DPP10: variants seen among roughly 807,000 people sequenced by gnomAD.
DPP10 encodes dipeptidyl peptidase like 10.
In DPP10, 33 loss-of-function variants were observed where a neutral mutation model predicts 120.9. That is an observed-to-expected ratio of 0.27 (90% CI 0.21 to 0.37). The LOEUF (loss-of-function observed/expected upper bound fraction) is 0.37, where lower values mean the gene tolerates loss of function less well. Among genes scored for constraint, DPP10 ranks in the 10% least tolerant of loss-of-function variants. DPP10 has a pLI of 1.00. For synonymous variants in DPP10, 337 were observed against 326.1 expected (o/e 1.03, Z -0.36); for missense variants, 816 against 942.8 (o/e 0.87, Z 1.76).
At chr2:114,675,284 C>A (rs959909870) in intron 1 of DPP10, among the ~76,000 whole-genome samples, 1 of 151,998 alleles carries the variant, frequency 6.6e-6, no homozygotes, top group Non-Finnish European at 1.5e-5. Flanking sequence ...GACCCACTTG[C>A]ACTTGTGTCT....
chr2:114,782,805 T>C (rs1163390098), intron 1 of DPP10, among the ~76,000 whole-genome samples: 1 of 152,144 alleles, frequency 6.6e-6, no homozygotes, highest in Non-Finnish European at 1.5e-5. Flanking sequence ...CAAATTAGCT[T>C]GTTTCAGTAA....
intron 4 of DPP10, among the ~76,000 whole-genome samples, chr2:115,506,513 G>C (rs144761181): frequency 6.6e-6 from 1 of 152,080 alleles, no homozygotes; most frequent in East Asian, 1.9e-4. Flanking sequence ...AATATTACTA[G>C]CTGAGAATTC....
intron 1 of DPP10, among the ~76,000 whole-genome samples, chr2:114,455,611 G>A (rs1423367111): frequency 1.3e-5 from 2 of 151,920 alleles, no homozygotes; most frequent in African/African-American, 4.8e-5. Flanking sequence ...TTGGAGTTTG[G>A]CTGAAAAGGT....
At chr2:115,087,774 A>T (rs1421624128) in intron 1 of DPP10, among the ~76,000 whole-genome samples, 3 of 151,764 alleles carry the variant, frequency 2.0e-5, no homozygotes, top group Non-Finnish European at 4.4e-5. Flanking sequence ...GTCTGGTCTC[A>T]AACTCATGAC....
intron 1 of DPP10, among the ~76,000 whole-genome samples, chr2:114,547,914 G>T (rs1041518259): frequency 6.6e-6 from 1 of 152,114 alleles, no homozygotes; most frequent in African/African-American, 2.4e-5. Context: ...GCTGGTGATT[G>T]CATTCACCGA....
intron 1 of DPP10, among the ~76,000 whole-genome samples, chr2:115,002,753 T>C (rs1023545517): frequency 3.9e-5 from 6 of 152,060 alleles, no homozygotes; most frequent in African/African-American, 1.4e-4. Context: ...AACAGGAATA[T>C]TAAAAAATAC....
chr2:115,845,610 C>T lies in DPP10; in HGVS notation c.*3265C>T, dbSNP rs1690552810. On this transcript the variant is annotated 3_prime_UTR_variant, in exon 26 of 26. Coordinates refer to ENST00000410059, the MANE Select transcript of DPP10 (RefSeq NM_020868.6). ...TCCCTACTCCTATTCCCTATGATCA[C>T]TTTCCAAAATAAACGGCAGGTGTGC... 6.6e-6 allele frequency: 1 copy of T among 152,144 alleles called. No homozygotes were observed. The highest frequency in any genetic ancestry group is 1.5e-5 in the Non-Finnish European group (1 of 68,036). The allele number at this position is 152,144 out of a possible 1,614,324, so 9.4% of individuals were successfully genotyped here. A position where few individuals can be genotyped will look rare whatever the true frequency, so the allele number is the denominator to read the frequency against.
intron 1 of DPP10, among the ~76,000 whole-genome samples, chr2:114,953,491 CGTGT>C (rs150259274): frequency 6.6e-6 from 1 of 150,758 alleles, no homozygotes; most frequent in African/African-American, 2.4e-5. Flanking sequence ...TGTGTGTGTG[CGTGT>C]GTGTGTGTAC....
chr2:114,751,574 T>A (rs1188680360), intron 1 of DPP10, among the ~76,000 whole-genome samples: 1 of 152,190 alleles, frequency 6.6e-6, no homozygotes, highest in East Asian at 1.9e-4. Context: ...TGGAATGAGA[T>A]ACAATAAGTC....
intron 1 of DPP10, among the ~76,000 whole-genome samples, chr2:114,466,781 T>C (rs1679418026): frequency 6.6e-6 from 1 of 152,150 alleles, no homozygotes; most frequent in African/African-American, 2.4e-5. Flanking sequence ...CGATGGCTCA[T>C]GCCTGTAATC....
At chr2:114,869,857 C>A (rs1436987418) in intron 1 of DPP10, among the ~76,000 whole-genome samples, 1 of 152,192 alleles carries the variant, frequency 6.6e-6, no homozygotes, top group East Asian at 1.9e-4. Context: ...TGAACGCATG[C>A]TTTTCAGTGC....
intron 5 of DPP10, among the ~76,000 whole-genome samples, chr2:115,622,852 T>C (rs576132828): frequency 8.6e-5 from 13 of 151,266 alleles, no homozygotes; most frequent in African/African-American, 2.9e-4. Flanking sequence ...TTTTTGTTTT[T>C]TGTTTTTTGA....
At chr2:115,341,981 G>T (rs2063470472) in intron 2 of DPP10, among the ~76,000 whole-genome samples, 1 of 152,080 alleles carries the variant, frequency 6.6e-6, no homozygotes, top group Non-Finnish European at 1.5e-5. Flanking sequence ...TTACTGGATT[G>T]TATGATAATA....
chr2:115,121,797 G>A (rs914389611), intron 1 of DPP10, among the ~76,000 whole-genome samples: 2 of 152,098 alleles, frequency 1.3e-5, no homozygotes, highest in African/African-American at 2.4e-5. Flanking sequence ...TCCTTATTCT[G>A]CTCTAGGTTT....
intron 1 of DPP10, among the ~76,000 whole-genome samples, chr2:115,206,691 C>T (rs1268705137): frequency 1.3e-5 from 2 of 152,076 alleles, no homozygotes; most frequent in Non-Finnish European, 2.9e-5. Flanking sequence ...GGGTTGTGGG[C>T]AACCATTTTA....
At chr2:114,762,095 G>A (rs1680332946) in intron 1 of DPP10, among the ~76,000 whole-genome samples, 1 of 152,192 alleles carries the variant, frequency 6.6e-6, no homozygotes, top group Non-Finnish European at 1.5e-5. Flanking sequence ...ACGCCTCTGA[G>A]TCACTGCTTT....
chr2:114,537,960 C>A (rs1275212391), intron 1 of DPP10, among the ~76,000 whole-genome samples: 1 of 152,200 alleles, frequency 6.6e-6, no homozygotes, highest in Non-Finnish European at 1.5e-5. Context: ...ATTTGCCTGG[C>A]AGTTCTCTTA....
intron 3 of DPP10, among the ~76,000 whole-genome samples, chr2:115,408,301 A>G (rs1399888466): frequency 6.6e-6 from 1 of 152,006 alleles, no homozygotes; most frequent in Non-Finnish European, 1.5e-5. Context: ...CTCCACCCCA[A>G]TCTCCCAGTG....
intron 1 of DPP10, among the ~76,000 whole-genome samples, chr2:114,536,204 C>T (rs901330429): frequency 6.6e-6 from 1 of 152,028 alleles, no homozygotes; most frequent in Non-Finnish European, 1.5e-5. Flanking sequence ...TTGCATGCTG[C>T]CTGACAGTGT....
Sources: allele counts gnomAD v4.1 joint callset (sites outside exome capture counted in the v4.1 genomes callset), GRCh38; gene constraint gnomAD v4.1.1; transcripts MANE v1.5; gene names NCBI Gene and HGNC (gene_info 2026-07-23, HGNC 2026-07-21).